Variants in ITGA9 observed in about 807,000 individuals in gnomAD.
The protein encoded by ITGA9 is integrin alpha-9.
ITGA9 carries 56 observed loss-of-function variants against 127.8 expected under a neutral mutation model. The observed-to-expected ratio is 0.44, with a 90% CI of 0.35 to 0.55. ITGA9 has a LOEUF of 0.55. ITGA9 is among the 20% of genes least tolerant of loss of function. The probability of loss-of-function intolerance (pLI) is 0.00; values close to 1 mark genes in which losing one functional copy is unlikely to be tolerated. For missense variants in ITGA9, 1,196 were observed against 1,347.1 expected (o/e 0.89, Z 1.76); for synonymous variants, 508 against 514.5 (o/e 0.99, Z 0.17).
chr3:37,496,650 G>A (rs948646633), intron 5 of ITGA9, among the ~76,000 whole-genome samples: 9 of 152,270 alleles, frequency 5.9e-5, no homozygotes, highest in Non-Finnish European at 1.3e-4. Flanking sequence ...GTGCTCCCTT[G>A]CTCAGGACTT....
chr3:37,658,460 G>T (rs796411109), intron 17 of ITGA9, among the ~76,000 whole-genome samples: 5 of 151,986 alleles, frequency 3.3e-5, no homozygotes, highest in African/African-American at 1.2e-4. Context: ...ATGTTTTTTT[G>T]ATCTTTGTTG....
chr3:37,778,688 T>C (rs916690829), intron 24 of ITGA9, among the ~76,000 whole-genome samples: 1 of 151,896 alleles, frequency 6.6e-6, no homozygotes, highest in South Asian at 2.1e-4. Flanking sequence ...TACACCTCCA[T>C]TTTTAAAAAG....
intron 15 of ITGA9, among the ~76,000 whole-genome samples, chr3:37,549,326 G>A (rs1699358317): frequency 6.6e-6 from 1 of 152,192 alleles, no homozygotes; most frequent in African/African-American, 2.4e-5. Flanking sequence ...GCAAAGGAAG[G>A]CACAAAAATT....
intron 9 of ITGA9, among the ~76,000 whole-genome samples, chr3:37,515,326 A>C (rs1007367897): frequency 1.3e-5 from 2 of 152,232 alleles, no homozygotes; most frequent in Non-Finnish European, 2.9e-5. Flanking sequence ...GCAGTGGCTG[A>C]GATGCTAGGT....
At chr3:37,713,563 G>A (rs575191486) in intron 18 of ITGA9, among the ~76,000 whole-genome samples, 8 of 152,292 alleles carry the variant, frequency 5.3e-5, no homozygotes, top group Admixed American at 2.6e-4. Flanking sequence ...AAGTCTGAGC[G>A]TGGAACTGAG....
chr3:37,679,321 ATCGTT>A (rs1164369153), intron 17 of ITGA9, among the ~76,000 whole-genome samples: 1 of 152,136 alleles, frequency 6.6e-6, no homozygotes, highest in African/African-American at 2.4e-5. Context: ...TCTATGCTTG[ATCGTT>A]TTACTATTTC....
intron 15 of ITGA9, among the ~76,000 whole-genome samples, chr3:37,615,463 G>C (rs1203571546): frequency 6.6e-6 from 1 of 152,174 alleles, no homozygotes; most frequent in Non-Finnish European, 1.5e-5. Flanking sequence ...TTTGGTATCA[G>C]GATGATGCTG....
intron 11 of ITGA9, among the ~76,000 whole-genome samples, chr3:37,522,210 A>G (rs7624689): frequency 0.045 from 6,886 of 152,124 alleles, 436 homozygotes; most frequent in African/African-American, 0.15. Flanking sequence ...CACAGTGAGG[A>G]CATCAGGAAG....
intron 23 of ITGA9, among the ~76,000 whole-genome samples, chr3:37,761,158 T>C (rs1287858618): frequency 1.3e-5 from 2 of 152,142 alleles, no homozygotes; most frequent in Non-Finnish European, 2.9e-5. Context: ...ATCAGAGCAA[T>C]GCAAACTTAA....
intron 15 of ITGA9, among the ~76,000 whole-genome samples, chr3:37,574,734 A>C (rs775341235): frequency 7.2e-5 from 11 of 152,162 alleles, no homozygotes; most frequent in Non-Finnish European, 1.6e-4. Flanking sequence ...TTAAGGTCAC[A>C]GGCGCCACAG....
chr3:37,485,666 C>G (rs572188279), intron 4 of ITGA9, among the ~76,000 whole-genome samples: 1 of 152,230 alleles, frequency 6.6e-6, no homozygotes, highest in South Asian at 2.1e-4. Context: ...ATGTGGGGAT[C>G]TCTCCAAAAT....
intron 23 of ITGA9, among the ~76,000 whole-genome samples, chr3:37,758,292 C>T (rs1047179802): frequency 6.8e-5 from 9 of 132,828 alleles, no homozygotes; most frequent in Non-Finnish European, 1.4e-4. Flanking sequence ...CACTGCAGTC[C>T]GCAGTCCGGC....
In ITGA9 at chr3:37,678,342, G is replaced by GT. The variant is rs537760551; in HGVS notation, c.1917-5516dup. Among the ~76,000 whole-genome samples the GT allele has an allele frequency of 1.7e-3, 264 of 152,202 alleles. 1 individual carries two copies. The highest frequency in any genetic ancestry group is 6.1e-3 in the African/African-American group (254 of 41,540). On this transcript the variant is annotated intron_variant, in intron 17 of 27. Transcript: ENST00000264741. ...ACATTCTTGACAATTCTTGTCTTCTGTTTTTTTGATAGTTGCCATCCTAAT... is the reference window on the plus strand; with the variant it reads ...ACATTCTTGACAATTCTTGTCTTCTGTTTTTTTTGATAGTTGCCATCCTAAT...
intron 11 of ITGA9, among the ~76,000 whole-genome samples, chr3:37,523,243 A>G (rs1218825254): frequency 2.0e-5 from 3 of 152,228 alleles, no homozygotes; most frequent in Non-Finnish European, 2.9e-5. Context: ...CAACATGTCA[A>G]AACATTATCA....
At chr3:37,611,900 C>G (rs780981603) in intron 15 of ITGA9, among the ~76,000 whole-genome samples, 1 of 152,022 alleles carries the variant, frequency 6.6e-6, no homozygotes, top group African/African-American at 2.4e-5. Context: ...TGGGCTCACA[C>G]GGGGAAACAG....
chr3:37,601,408 A>C (rs1699921314), intron 15 of ITGA9, among the ~76,000 whole-genome samples: 1 of 152,236 alleles, frequency 6.6e-6, no homozygotes. Context: ...ATGAGAGAGC[A>C]GAGAGTCCTT....
At chr3:37,606,694 A>C (rs955859053) in intron 15 of ITGA9, among the ~76,000 whole-genome samples, 1 of 152,104 alleles carries the variant, frequency 6.6e-6, no homozygotes, top group Non-Finnish European at 1.5e-5. Flanking sequence ...GTATGAGATT[A>C]TGGTGATGTT....
chr3:37,490,091 G>A (rs1698654693), intron 4 of ITGA9, among the ~76,000 whole-genome samples: 1 of 152,054 alleles, frequency 6.6e-6, no homozygotes, highest in Admixed American at 6.6e-5. Context: ...TGGGAAGGGT[G>A]GTTACAGAAC....
At chr3:37,470,623 A>G (rs1043122720) in intron 1 of ITGA9, among the ~76,000 whole-genome samples, 4 of 152,196 alleles carry the variant, frequency 2.6e-5, no homozygotes, top group Non-Finnish European at 5.9e-5. Flanking sequence ...CCACCCATCC[A>G]TCGCAGTCTC....
Sources: allele counts gnomAD v4.1 joint callset (sites outside exome capture counted in the v4.1 genomes callset), GRCh38; gene constraint gnomAD v4.1.1; transcripts MANE v1.5; gene names NCBI Gene and HGNC (gene_info 2026-07-23, HGNC 2026-07-21).